Variants in RASA1 observed in about 807,000 individuals in gnomAD.
The protein encoded by RASA1 is RAS p21 protein activator 1.
Under a neutral mutation model 132.2 loss-of-function variants are expected in RASA1, and 25 were observed. That is an observed-to-expected ratio of 0.19 (90% CI 0.14 to 0.26). The LOEUF is 0.26. Ranked by LOEUF, RASA1 falls within the 10% of genes least tolerant of loss-of-function variation. The pLI is 1.00. For synonymous variants in RASA1, 477 were observed against 449.9 expected (o/e 1.06, Z -0.76); for missense variants, 964 against 1,299.2 (o/e 0.74, Z 3.97).
intron 1 of RASA1, among the ~76,000 whole-genome samples, chr5:87,306,390 C>G (rs887947225): frequency 6.6e-6 from 1 of 152,156 alleles, no homozygotes; most frequent in African/African-American, 2.4e-5. Context: ...ATACTGCATG[C>G]TCTCACTTAT....
rs545119657 is a variant in RASA1, at chr5:87,280,048, C to T, written c.539+11058C>T. Among the ~76,000 whole-genome samples, 5 of 152,350 alleles carry T rather than the reference C, an allele frequency of 3.3e-5. No individual in the cohort carries two copies. The South Asian group carries it at 6.2e-4, about 19-fold the overall frequency. ...CTGAGGGCAAAAGCAAAATATCCCT[C>T]ACTAGAAGGGGATGGGGAACTCAGC... On this transcript the variant is annotated intron_variant, in intron 1 of 24. Transcript: ENST00000274376.
At chr5:87,387,688 A>G (rs954969864) in intron 23 of RASA1, among the ~76,000 whole-genome samples, 5 of 152,270 alleles carry the variant, frequency 3.3e-5, no homozygotes, top group South Asian at 4.1e-4. Context: ...GACCACCACA[A>G]TTTGTGGCAA....
At chr5:87,338,501 T>TTA (rs3069490) in intron 5 of RASA1, among the ~76,000 whole-genome samples, 1,422 of 75,588 alleles carry the variant, frequency 0.019, 27 homozygotes, top group East Asian at 0.047. Flanking sequence ...CCAGCTAATT[T>TTA]TATATATATA....
intron 1 of RASA1, among the ~76,000 whole-genome samples, chr5:87,277,808 A>G (rs1170320772): frequency 6.6e-6 from 1 of 151,954 alleles, no homozygotes; most frequent in East Asian, 1.9e-4. Flanking sequence ...GCCTTACTTT[A>G]CCTCTTTCTT....
intron 11 of RASA1, among the ~76,000 whole-genome samples, chr5:87,368,773 G>C (rs1046610999): frequency 6.6e-6 from 1 of 152,146 alleles, no homozygotes; most frequent in Non-Finnish European, 1.5e-5. Flanking sequence ...CTTAGGAACT[G>C]GCAACTGCCT....
intron 1 of RASA1, among the ~76,000 whole-genome samples, chr5:87,310,875 A>C (rs1755869750): frequency 6.6e-6 from 1 of 152,214 alleles, no homozygotes; most frequent in Admixed American, 6.5e-5. Context: ...ATTATCAAGT[A>C]ATTTATGCAT....
intron 12 of RASA1, among the ~76,000 whole-genome samples, chr5:87,370,257 C>T (rs1038065730): frequency 6.6e-6 from 1 of 152,070 alleles, no homozygotes; most frequent in Admixed American, 6.6e-5. Context: ...TGCTAACAAG[C>T]ATTATTCTTC....
chr5:87,287,768 G>T (rs1413608482), intron 1 of RASA1, among the ~76,000 whole-genome samples: 9,973 of 25,028 alleles, frequency 0.4, 3,980 homozygotes, highest in East Asian at 0.54. Flanking sequence ...ACACGCCATA[G>T]ATATACCATA....
chr5:87,366,769 C>T (rs543014484), intron 11 of RASA1, among the ~76,000 whole-genome samples: 112 of 152,348 alleles, frequency 7.4e-4, no homozygotes, highest in African/African-American at 2.4e-3. Context: ...CAGTGGCTCA[C>T]GCCTGTAATC....
chr5:87,320,695 C>T (rs1310493264), intron 1 of RASA1, among the ~76,000 whole-genome samples: 1 of 152,124 alleles, frequency 6.6e-6, no homozygotes, highest in Non-Finnish European at 1.5e-5. Flanking sequence ...AGTAACAGTT[C>T]AACATGAGAT....
chr5:87,391,274 A>G lies in RASA1; in HGVS notation c.*391A>G, dbSNP rs1762495483. The G allele has an allele frequency of 5.3e-6, 2 of 380,900 alleles. No individual in the cohort carries two copies. The highest frequency in any genetic ancestry group is 8.4e-5 in the East Asian group (2 of 23,678). The allele number at this position is 380,900 out of a possible 1,614,324, so 23.6% of individuals were successfully genotyped here. On this transcript the variant is annotated 3_prime_UTR_variant, in exon 25 of 25. Transcript: ENST00000274376. ...ACTATGAAATCAACTGACAAGAAAC[A>G]CATTCTTATTGACAATTGTGTATAA...
chr5:87,346,074 T>G (rs777768777), intron 6 of RASA1, among the ~76,000 whole-genome samples: 3 of 152,124 alleles, frequency 2.0e-5, no homozygotes, highest in Non-Finnish European at 2.9e-5. Flanking sequence ...AAGGCTTAAT[T>G]TAAGAATACA....
intron 1 of RASA1, among the ~76,000 whole-genome samples, chr5:87,296,957 C>T (rs1280805025): frequency 2.6e-5 from 4 of 151,806 alleles, no homozygotes; most frequent in African/African-American, 9.7e-5. Context: ...CTTTCTTTTT[C>T]CTCTCTTTTT....
chr5:87,374,725 C>T, intron 14 of RASA1, 115 bp from the exon 15 acceptor site: 1 of 1,421,630 alleles, frequency 7.0e-7, no homozygotes, highest in Non-Finnish European at 9.6e-7. Context: ...AGGTCTAGCA[C>T]ACTGTTTTTT....
In RASA1 at chr5:87,379,746, A is replaced by G; in HGVS notation, c.2499A>G (p.Ser833=). 3 of 1,612,296 alleles carry G rather than the reference A, an allele frequency of 1.9e-6. No homozygotes were observed. The highest frequency in any genetic ancestry group is 2.5e-6 in the Non-Finnish European group (3 of 1,178,914). ...ATTCCTTCTTTTAGTTAAGTCCATC[A>G]AAGTTAGAAAAAAATGAAGATGTGA... ...ESKQSCELSP[S]KLEKNEDVNT... is the part of the protein sequence containing the mutation. Residue 833 remains serine (S), a synonymous_variant, in exon 19 of 25, where the codon TCA becomes TCG. Coordinates refer to ENST00000274376, the MANE Select transcript of RASA1 (RefSeq NM_002890.3).
At chr5:87,279,190 T>A (rs1458112982) in intron 1 of RASA1, among the ~76,000 whole-genome samples, 1 of 151,968 alleles carries the variant, frequency 6.6e-6, no homozygotes, top group Non-Finnish European at 1.5e-5. Flanking sequence ...CTGCAGTGAG[T>A]TATGATTGTG....
chr5:87,325,877 T>G (rs1757194692), intron 1 of RASA1, among the ~76,000 whole-genome samples: 1 of 152,198 alleles, frequency 6.6e-6, no homozygotes, highest in Admixed American at 6.5e-5. Context: ...CAAATTTCCA[T>G]ATTTTTCTCT....
At chr5:87,376,362 T>A in intron 15 of RASA1, 31 bp from the exon 16 acceptor site, 1 of 1,611,838 alleles carries the variant, frequency 6.2e-7, no homozygotes, top group Non-Finnish European at 8.5e-7. Context: ...GTTCTCTTTT[T>A]AAACAATAAT....
At chr5:87,383,674 T>C (rs1239654393) in intron 20 of RASA1, 39 bp from the exon 21 acceptor site, 3 of 1,458,248 alleles carry the variant, frequency 2.1e-6, no homozygotes, top group Admixed American at 3.6e-5. Flanking sequence ...ATATAGGTGT[T>C]TTCTAAAAAA....
Sources: gnomAD v4.1 joint callset for allele counts (sites outside exome capture counted in the v4.1 genomes callset) on GRCh38, gnomAD v4.1.1 for gene constraint, MANE v1.5 for transcripts, NCBI Gene and HGNC (gene_info 2026-07-23, HGNC 2026-07-21) for gene names.